Variants in SPTY2D1 observed in about 807,000 individuals in gnomAD.
The protein encoded by SPTY2D1 is protein SPT2 homolog.
SPTY2D1 carries 21 observed loss-of-function variants against 64.0 expected under a neutral mutation model. The ratio of observed to expected loss-of-function variants is 0.33; its 90% CI spans 0.23 to 0.47. The LOEUF is 0.47. Among genes scored for constraint, SPTY2D1 ranks in the 20% least tolerant of loss-of-function variants. The pLI is 1.00. For missense variants in SPTY2D1, 724 were observed against 837.2 expected (o/e 0.86, Z 1.67); for synonymous variants, 287 against 286.8 (o/e 1.00, Z -0.01).
At chr11:18,611,436 T>C in intron 5 of SPTY2D1, 41 bp downstream of exon 5, 1 of 1,575,922 alleles carries the variant, frequency 6.3e-7, no homozygotes, top group Non-Finnish European at 8.7e-7. Flanking sequence ...AAAGGAATTT[T>C]TAGGACATTT....
chr11:18,611,497 C>T lies in SPTY2D1; in HGVS notation c.1944G>A (p.Gln648=), dbSNP rs757125689. Residue 648 remains glutamine, a synonymous_variant, in exon 5 of 6, where the codon CAG becomes CAA. Coordinates refer to ENST00000336349, the MANE Select transcript of SPTY2D1 (RefSeq NM_194285.3). ...LRYMESSWKE[Q]QKEEAKSLRL... ...CTTACCTCTTTGCTTCTTCCTTCTG[C>T]TGCTCTTTCCAACTACTTTCCATGT... 3.1e-6 allele frequency: 5 copies of T among 1,614,038 alleles called. No individual in the cohort carries two copies. In the East Asian group the frequency reaches 1.1e-4, roughly 36 times the overall value.
intron 5 of SPTY2D1, 59 bp downstream of exon 5, chr11:18,611,418 A>G: frequency 3.4e-6 from 5 of 1,486,742 alleles, no homozygotes; most frequent in Non-Finnish European, 3.7e-6. Context: ...AATTGTAGCA[A>G]TAAGCAGAAA....
chr11:18,614,538 T>G, intron 3 of SPTY2D1, 25 bp downstream of exon 3: 1 of 1,579,636 alleles, frequency 6.3e-7, no homozygotes, highest in Non-Finnish European at 8.6e-7. Flanking sequence ...AAATATATAC[T>G]CTTTCGGGTG....
intron 1 of SPTY2D1, among the ~76,000 whole-genome samples, chr11:18,631,629 CTTTA>C (rs1378734939): frequency 2.8e-5 from 4 of 143,868 alleles, no homozygotes; most frequent in Non-Finnish European, 3.0e-5. Context: ...CCACCAAACA[CTTTA>C]TTTCTTTTAA....
chr11:18,633,355 C>A (rs1854618859), intron 1 of SPTY2D1, among the ~76,000 whole-genome samples: 1 of 152,194 alleles, frequency 6.6e-6, no homozygotes, highest in Non-Finnish European at 1.5e-5. Context: ...CATCACCATG[C>A]AACTTATCGG....
In SPTY2D1 at chr11:18,614,855, A is replaced by T; in HGVS notation, c.1419T>A (p.His473Gln). The change falls in exon 3 of 6, where the codon CAT becomes CAA. Residue 473 changes from histidine (H) to glutamine (Q), a missense_variant. This residue lies in a region of SPTY2D1 where 426 missense variants were observed against 431.8 expected (regional missense o/e 0.99). Transcript: ENST00000336349. Reference sequence around the variant, plus strand: ...AGCCACTCACTGGTCGTCGAAGTTCATGTGGACTGCTCACAGGCCGGCCAG... The same window carrying T: ...AGCCACTCACTGGTCGTCGAAGTTCTTGTGGACTGCTCACAGGCCGGCCAG... ...RGPGRPVSSP[H>Q]ELRRPVSGLG... 1 of 1,613,864 alleles carries T rather than the reference A, an allele frequency of 6.2e-7. No individual in the cohort carries two copies. The highest frequency in any genetic ancestry group is 8.5e-7 in the Non-Finnish European group (1 of 1,179,840).
At position 18,614,961 on chromosome 11, in the gene SPTY2D1, G is replaced by A. The variant is rs182746174; in HGVS notation, c.1313C>T (p.Pro438Leu). Residue 438 changes from proline to leucine, a missense_variant, in exon 3 of 6, where the codon CCT becomes CTT. Pro to Leu is a moderately conservative substitution (Grantham distance 98). Around this residue, in one of 3 missense-constraint regions of SPTY2D1, gnomAD observed 426 missense variants for 431.8 expected, o/e 0.99. Coordinates refer to ENST00000336349, the MANE Select transcript of SPTY2D1 (RefSeq NM_194285.3). ...CCCAGGGCCACCTGAGCTGCTTGCAGGTTGTCCAGGGCCACATGTACCACT... is the reference window on the plus strand; with the variant it reads ...CCCAGGGCCACCTGAGCTGCTTGCAAGTTGTCCAGGGCCACATGTACCACT... ...TVSGTCGPGQPASSSGGPGRP... is the reference protein window; with the variant it reads ...TVSGTCGPGQLASSSGGPGRP... The A allele has an allele frequency of 4.3e-6, 7 of 1,614,034 alleles. No individual in the cohort carries two copies. In the East Asian group the frequency reaches 1.6e-4, roughly 36 times the overall value.
rs1002735698 is a variant in SPTY2D1, at chr11:18,615,971, A to T, written c.303T>A (p.Ile101=). 3 of 1,613,840 alleles carry T rather than the reference A, an allele frequency of 1.9e-6. No homozygotes were observed. The highest frequency in any genetic ancestry group is 2.5e-6 in the Non-Finnish European group (3 of 1,179,986). Residue 101 remains isoleucine (I), a synonymous_variant, in exon 3 of 6, where the codon ATT becomes ATA. Transcript: ENST00000336349. The part of the protein sequence containing the change: ...DNFHGYNGIP[I]EEKSKKRQAT... ...CCTGCCTCTTCTTTGACTTTTCCTC[A>T]ATAGGAATCCCATTGTAACCATGGA...
At chr11:18,623,685 C>A (rs922634048) in intron 1 of SPTY2D1, among the ~76,000 whole-genome samples, 2 of 152,248 alleles carry the variant, frequency 1.3e-5, no homozygotes, top group African/African-American at 2.4e-5. Flanking sequence ...AAGACTACAG[C>A]ATGAACTCCT....
At chr11:18,622,387 C>T (rs560408377) in intron 1 of SPTY2D1, among the ~76,000 whole-genome samples, 2 of 151,798 alleles carry the variant, frequency 1.3e-5, no homozygotes, top group East Asian at 1.9e-4. Context: ...AAAAATTAGC[C>T]GGACATTGTG....
chr11:18,630,820 TTTTA>T (rs1256401034), intron 1 of SPTY2D1, among the ~76,000 whole-genome samples: 1 of 152,152 alleles, frequency 6.6e-6, no homozygotes, highest in East Asian at 1.9e-4. Flanking sequence ...TTTTATTTTA[TTTTA>T]TTTTTCTTTT....
intron 1 of SPTY2D1, among the ~76,000 whole-genome samples, chr11:18,618,150 C>G (rs552695936): frequency 8.5e-5 from 13 of 152,148 alleles, no homozygotes; most frequent in Admixed American, 5.2e-4. Flanking sequence ...GCTTAGAACA[C>G]GGAAACACTG....
In SPTY2D1 at chr11:18,607,538, T is replaced by TA. The variant is rs1406849788; in HGVS notation, c.*2322dup. 1 of 152,410 alleles carries TA rather than the reference T, an allele frequency of 6.6e-6. No individual in the cohort carries two copies. Among genetic ancestry groups the TA allele is most frequent in the Non-Finnish European group, 1.5e-5 (1 of 67,996 alleles). The allele number at this position is 152,410 out of a possible 1,614,324, so 9.4% of individuals were successfully genotyped here. On this transcript the variant is annotated 3_prime_UTR_variant, in exon 6 of 6. Coordinates refer to ENST00000336349, the MANE Select transcript of SPTY2D1 (RefSeq NM_194285.3). ...TAAGAAAATCCAAAAATCAAAACAG[T>TA]AGAGAATACATTAAAAATCAAGCAT...
At chr11:18,620,903 T>C (rs1046579449) in intron 1 of SPTY2D1, among the ~76,000 whole-genome samples, 78 of 138,040 alleles carry the variant, frequency 5.7e-4, no homozygotes, top group African/African-American at 2.0e-3. Context: ...AAAAAAAAAA[T>C]ACTATTAAAA....
intron 1 of SPTY2D1, among the ~76,000 whole-genome samples, chr11:18,633,637 T>C (rs1486154883): frequency 6.6e-6 from 1 of 152,216 alleles, no homozygotes; most frequent in Non-Finnish European, 1.5e-5. Context: ...TCTGCTAAAC[T>C]TCTCTTCCCA....
chr11:18,621,360 G>GAAAAGAAAAGAA (rs1854396706), intron 1 of SPTY2D1, among the ~76,000 whole-genome samples: 3 of 150,092 alleles, frequency 2.0e-5, no homozygotes, highest in South Asian at 2.1e-4. Flanking sequence ...GAAAAGAAAA[G>GAAAAGAAAAGAA]AAAAGAAAAG....
rs2134105970 is a variant in SPTY2D1, at chr11:18,607,636, T to C, written c.*2225A>G. 6.6e-6 allele frequency: 1 copy of C among 152,436 alleles called. No individual in the cohort carries two copies. Among genetic ancestry groups the C allele is most frequent in the African/African-American group, 2.4e-5 (1 of 41,466 alleles). 9.4% of individuals were successfully genotyped at this position (152,436 alleles called of 1,614,324 possible). ...AAGGTTTGTGAGCTTTTTATAAGAG[T>C]GGTCAGGAAGTGCAGAAAAACAACA... On this transcript the variant is annotated 3_prime_UTR_variant, in exon 6 of 6. Transcript: ENST00000336349.
At chr11:18,623,111 T>C (rs1202403286) in intron 1 of SPTY2D1, among the ~76,000 whole-genome samples, 3 of 152,214 alleles carry the variant, frequency 2.0e-5, no homozygotes, top group Non-Finnish European at 2.9e-5. Context: ...TATACTTTTT[T>C]CTTAATTCTT....
intron 1 of SPTY2D1, among the ~76,000 whole-genome samples, chr11:18,617,397 C>T (rs558131777): frequency 3.9e-5 from 6 of 151,968 alleles, no homozygotes; most frequent in African/African-American, 9.7e-5. Context: ...GAGGCGGAGG[C>T]GGGCGAATCA....
Sources: allele counts gnomAD v4.1 joint callset (sites outside exome capture counted in the v4.1 genomes callset), GRCh38; gene constraint gnomAD v4.1.1; regional missense constraint gnomAD v4.1.1; transcripts MANE v1.5; gene names NCBI Gene and HGNC (gene_info 2026-07-23, HGNC 2026-07-21).